MYOM3: variants seen among roughly 807,000 people sequenced by gnomAD.
MYOM3 encodes myomesin 3, also known as myomesin-3.
Under a neutral mutation model 191.7 loss-of-function variants are expected in MYOM3, and 155 were observed. That is an observed-to-expected ratio of 0.81 (90% confidence interval 0.71 to 0.92). The LOEUF is 0.92. MYOM3 is among the 40% of genes least tolerant of loss of function. MYOM3 has a pLI of 0.00. For synonymous variants in MYOM3, 757 were observed against 762.9 expected (o/e 0.99, Z 0.13); for missense variants, 1,889 against 1,890.6 (o/e 1.00, Z 0.02).
intron 1 of MYOM3, among the ~76,000 whole-genome samples, chr1:24,110,401 C>T (rs534519339): frequency 6.6e-6 from 1 of 152,102 alleles, no homozygotes; most frequent in Non-Finnish European, 1.5e-5. Flanking sequence ...TGTAGGCTGT[C>T]TTCTGCCTGG....
Position 24,098,280 on chromosome 1 carries a change from G to A in MYOM3, c.657-269C>T, listed in dbSNP as rs577908863. Reference sequence around the variant, plus strand: ...TAAAAATATGACATGCCACATTGCAGTTATTGCTGACTGTGGAGGATCAGA... The same window carrying A: ...TAAAAATATGACATGCCACATTGCAATTATTGCTGACTGTGGAGGATCAGA... On this transcript the variant is annotated intron_variant, in intron 6 of 36. Transcript: ENST00000374434. Among the ~76,000 whole-genome samples, 5 of 152,358 alleles carry A rather than the reference G, an allele frequency of 3.3e-5. No homozygotes were observed. The East Asian group carries it at 5.8e-4, about 18-fold the overall frequency.
intron 19 of MYOM3, 38 bp from the exon 20 acceptor site, chr1:24,080,232 GGGCAGCCA>G (rs1557608065): frequency 6.5e-7 from 1 of 1,545,754 alleles, no homozygotes; most frequent in Non-Finnish European, 8.8e-7. Flanking sequence ...TGTGTGAGTT[GGGCAGCCA>G]GGCAGCCAGC....
chr1:24,079,057 C>G (rs962834215), intron 20 of MYOM3, among the ~76,000 whole-genome samples: 1 of 152,148 alleles, frequency 6.6e-6, no homozygotes, highest in Middle Eastern at 3.2e-3. Context: ...TATCTGCATA[C>G]ATGTTTATTT....
intron 22 of MYOM3, among the ~76,000 whole-genome samples, chr1:24,074,607 AC>A (rs1643574237): frequency 6.6e-6 from 1 of 152,166 alleles, no homozygotes. Context: ...GGGGCATGTG[AC>A]AGGGGCCCTT....
chr1:24,105,197 C>G (rs1643972309), intron 5 of MYOM3, among the ~76,000 whole-genome samples: 1 of 152,136 alleles, frequency 6.6e-6, no homozygotes, highest in Admixed American at 6.5e-5. Context: ...GGTTTCCATG[C>G]TGTTGTGGCG....
rs780844720 is a variant in MYOM3 at position 24,061,342 on chromosome 1, C to T, written c.3935-33G>A. On this transcript the variant is annotated intron_variant, in intron 33 of 36. Coordinates refer to ENST00000374434, the MANE Select transcript of MYOM3 (RefSeq NM_152372.4). ...AAGGACAGAGGAGAATGGGGGCCATCAGGGCCTCTGCTGTCTGATGATGGG... is the reference window on the plus strand; with the variant it reads ...AAGGACAGAGGAGAATGGGGGCCATTAGGGCCTCTGCTGTCTGATGATGGG... 7.5e-6 allele frequency: 12 copies of T among 1,610,672 alleles called. No individual in the cohort carries two copies. The African/African-American group carries it at 1.5e-4, about 20-fold the overall frequency.
At chr1:24,091,121 C>A in intron 11 of MYOM3, 125 bp from the exon 12 acceptor site, 1 of 1,133,678 alleles carries the variant, frequency 8.8e-7, no homozygotes. Context: ...AATTAAAGTT[C>A]TTCTCTCCAA....
chr1:24,075,564 C>A, intron 21 of MYOM3, 89 bp from the exon 22 acceptor site: 1 of 1,344,228 alleles, frequency 7.4e-7, no homozygotes, highest in East Asian at 2.5e-5. Flanking sequence ...CCAGGGCCTG[C>A]CTGTTGCACT....
rs377651260 is a variant in MYOM3 at position 24,090,892 on chromosome 1, C to T, written c.1337G>A (p.Arg446Gln). The T allele has an allele frequency of 5.5e-5, 89 of 1,613,948 alleles. 1 individual carries two copies. Among genetic ancestry groups the T allele is most frequent in the Admixed American group, 1.2e-4 (7 of 60,010 alleles). Residue 446 changes from arginine to glutamine, a missense_variant, in exon 12 of 37, where the codon CGG (arginine) becomes CAG (glutamine). By Grantham distance (43) the Arg-to-Gln change is conservative. Transcript: ENST00000374434. ...GLVEGQSYRF[R>Q]VRAISRVGSS... ...GCCTACCCTGCTGATGGCTCTCACC[C>T]GGAACCGATAGCTCTGACCTTCGAC...
At position 24,064,065 on chromosome 1, in the gene MYOM3, C is replaced by T; in HGVS notation, c.3622+7G>A. On this transcript the variant is annotated splice_region_variant and intron_variant, in intron 30 of 36. Coordinates refer to ENST00000374434, the MANE Select transcript of MYOM3 (RefSeq NM_152372.4). ...TCCACAGCCCCTGACCCATCGCCAG[C>T]TCCTACCGTCACCCGTGAGGTCCAA... The T allele has an allele frequency of 1.2e-6, 2 of 1,612,540 alleles. No homozygotes were observed. Among genetic ancestry groups the T allele is most frequent in the Non-Finnish European group, 1.7e-6 (2 of 1,178,658 alleles).
chr1:24,090,002 G>T, intron 13 of MYOM3, 63 bp downstream of exon 13: 2 of 1,531,894 alleles, frequency 1.3e-6, no homozygotes, highest in Non-Finnish European at 1.8e-6. Flanking sequence ...CTCTTTGCCA[G>T]CTCATGTCCC....
chr1:24,074,141 A>AG lies in MYOM3; in HGVS notation c.2968+18dup, dbSNP rs1180698046. 2 of 1,582,588 alleles carry AG rather than the reference A, an allele frequency of 1.3e-6. No individual in the cohort carries two copies. The highest frequency in any genetic ancestry group is 1.7e-6 in the Non-Finnish European group (2 of 1,153,000). On this transcript the variant is annotated intron_variant, in intron 23 of 36. Coordinates refer to ENST00000374434, the MANE Select transcript of MYOM3 (RefSeq NM_152372.4). ...CTCTCTCTCTGGGGAGGTGGCAGGG[A>AG]GCGGGGTAGGTGCATTACCTTCCTC...
intron 35 of MYOM3, among the ~76,000 whole-genome samples, chr1:24,060,044 T>C (rs12139849): frequency 0.31 from 46,455 of 152,140 alleles, 8,238 homozygotes; most frequent in African/African-American, 0.48. Context: ...TGATGCCACA[T>C]GCCCCAGCAA....
intron 5 of MYOM3, among the ~76,000 whole-genome samples, chr1:24,101,302 T>C (rs1643931063): frequency 6.6e-6 from 1 of 152,092 alleles, no homozygotes; most frequent in African/African-American, 2.4e-5. Flanking sequence ...GACGTTTAGA[T>C]GGAAGAAAAC....
At position 24,095,350 on chromosome 1, in the gene MYOM3, G is replaced by A. The variant is rs1042008152; in HGVS notation, c.790+92C>T. 2.4e-6 allele frequency: 3 copies of A among 1,236,112 alleles called. No individual in the cohort carries two copies. In the South Asian group the frequency reaches 4.1e-5, roughly 17 times the overall value. The allele number at this position is 1,236,112 out of a possible 1,614,324, so 76.6% of individuals were successfully genotyped here. A position where few individuals can be genotyped will look rare whatever the true frequency, so the allele number is the denominator to read the frequency against. On this transcript the variant is annotated intron_variant, in intron 8 of 36. Transcript: ENST00000374434. ...CCGGTGGACGTCCTTTTATGGGCAGGGGATGGCTATATTCTAAACAGGGAC... is the reference window on the plus strand; with the variant it reads ...CCGGTGGACGTCCTTTTATGGGCAGAGGATGGCTATATTCTAAACAGGGAC...
chr1:24,078,137 T>TTGA, intron 20 of MYOM3, among the ~76,000 whole-genome samples: 1 of 151,466 alleles, frequency 6.6e-6, no homozygotes, highest in East Asian at 1.9e-4. Flanking sequence ...TTTTTTTTTT[T>TTGA]GAGGTGGAAT....
chr1:24,107,004 G>C, intron 4 of MYOM3, 69 bp downstream of exon 4: 1 of 1,445,558 alleles, frequency 6.9e-7, no homozygotes, highest in Non-Finnish European at 9.3e-7. Flanking sequence ...CTTGGGAAGG[G>C]GGTGAGGATG....
In MYOM3 at chr1:24,089,597, G is replaced by C. The variant is rs569418227; in HGVS notation, c.1555C>G (p.Leu519Val). ...ASEIREAYVV[L>V]AWEEPSPRDR... ...CGGGGGCTGGGCTCCTCCCAGGCCA[G>C]AACCACATAGGCCTCTCGGATCTCG... The change falls in exon 14 of 37, where the codon CTG becomes GTG. Residue 519 changes from leucine (L) to valine (V), a missense_variant. Leu to Val is a conservative substitution (Grantham distance 32, BLOSUM62 1). Transcript: ENST00000374434. The C allele has an allele frequency of 2.8e-4, 442 of 1,596,334 alleles. 6 individuals carry two copies. The South Asian group carries it at 4.9e-3, about 18-fold the overall frequency.
chr1:24,100,318 T>TA (rs1037872344), intron 5 of MYOM3, among the ~76,000 whole-genome samples: 40 of 152,168 alleles, frequency 2.6e-4, no homozygotes, highest in Non-Finnish European at 5.9e-5. Context: ...GATGGGCTTA[T>TA]AAAGCCTTTC....
Sources: gnomAD v4.1 joint callset for allele counts (sites outside exome capture counted in the v4.1 genomes callset) on GRCh38, gnomAD v4.1.1 for gene constraint, MANE v1.5 for transcripts, NCBI Gene and HGNC (gene_info 2026-07-23, HGNC 2026-07-21) for gene names.